The following MZF1 variants were observed in gnomAD, a reference collection of about 807,000 sequenced individuals.
MZF1 encodes the protein zinc finger and SCAN domain-containing protein 6.
Under a neutral mutation model 28.6 loss-of-function variants are expected in MZF1, and 24 were observed. The ratio of observed to expected loss-of-function variants is 0.84; its 90% CI spans 0.61 to 1.18. MZF1 has a LOEUF of 1.18. MZF1 is among the 50% of genes most tolerant of loss of function. The pLI is 0.00. For missense variants in MZF1, 1,166 were observed against 1,026.4 expected, an observed-to-expected ratio of 1.14 and a Z score of -1.86; for synonymous variants, 516 against 432.5, an observed-to-expected ratio of 1.19 and a Z score of -2.40.
At chr19:58,567,976 C>T (rs983178805) in intron 5 of MZF1, among the ~76,000 whole-genome samples, 4 of 152,128 alleles carry the variant, frequency 2.6e-5, no homozygotes, top group African/African-American at 9.7e-5. Context: ...GTAGCTCATG[C>T]CTGTAATCCC....
chr19:58,568,476 G>T (rs10414088), intron 5 of MZF1: 1 of 152,150 alleles, frequency 6.6e-6, no homozygotes, highest in African/African-American at 2.4e-5. Flanking sequence ...TTTCAAGGCA[G>T]TTTCCCAGAA....
Position 58,573,202 on chromosome 19 carries a change from C to G in MZF1, c.-188G>C, listed in dbSNP as rs1026061099. ...CCACCCTCGTCCCCGTTTCTACACC[C>G]TCTCCTCCCTTCCCCTAGCGGTGGT... On this transcript the variant is annotated 5_prime_UTR_variant, in exon 1 of 6. Coordinates refer to ENST00000215057, the MANE Select transcript of MZF1 (RefSeq NM_198055.2). 6.5e-6 allele frequency: 1 copy of G among 153,736 alleles called. No homozygotes were observed. Among genetic ancestry groups the G allele is most frequent in the African/African-American group, 2.4e-5 (1 of 41,448 alleles). The allele number at this position is 153,736 out of a possible 1,614,324, so 9.5% of individuals were successfully genotyped here.
At chr19:58,567,867 T>C (rs954297181) in intron 5 of MZF1, among the ~76,000 whole-genome samples, 1 of 152,066 alleles carries the variant, frequency 6.6e-6, no homozygotes, top group African/African-American at 2.4e-5. Flanking sequence ...GGAAAGACAT[T>C]GTAAATGAAA....
At chr19:58,567,277 C>T (rs190765404) in intron 5 of MZF1, among the ~76,000 whole-genome samples, 13 of 152,312 alleles carry the variant, frequency 8.5e-5, no homozygotes, top group Non-Finnish European at 1.6e-4. Flanking sequence ...ATGAGCAGGG[C>T]ACCAGCCAGG....
chr19:58,566,368 A>C (rs1474104340), intron 5 of MZF1, among the ~76,000 whole-genome samples: 2 of 151,912 alleles, frequency 1.3e-5, no homozygotes, highest in African/African-American at 4.8e-5. Context: ...GAATGGCTTG[A>C]ACCGGGAGGT....
At chr19:58,571,540 T>C (rs528512096) in intron 1 of MZF1, 111 bp from the exon 2 acceptor site, 2 of 1,048,628 alleles carry the variant, frequency 1.9e-6, no homozygotes, top group African/African-American at 3.2e-5. Context: ...GGAAGGCAGA[T>C]GAGGAAACAG....
chr19:58,562,246 A>G lies in MZF1; in HGVS notation c.2031T>C (p.Gly677=), dbSNP rs73562704. ...NLTQHRRIHT[G]ERPYACPECG... is the part of the protein sequence containing the mutation. ...ACTCAGGGCATGCGTAGGGCCGTTC[A>G]CCCGTGTGGATGCGCCGGTGCTGGG... Residue 677 remains glycine (G), a synonymous_variant, in exon 6 of 6, where the codon GGT becomes GGC. Coordinates refer to ENST00000215057, the MANE Select transcript of MZF1 (RefSeq NM_198055.2). 0.067 allele frequency: 107,249 copies of G among 1,599,662 alleles called. 8,237 individuals carry two copies. Among genetic ancestry groups the G allele is most frequent in the African/African-American group, 0.37 (27,187 of 73,066 alleles).
At chr19:58,570,594 T>C (rs1411737849) in intron 2 of MZF1, 67 bp from the exon 3 acceptor site, 3 of 1,517,370 alleles carry the variant, frequency 2.0e-6, no homozygotes, top group Admixed American at 2.0e-5. Flanking sequence ...CTGGGGTTTG[T>C]GGGTGCCCAT....
At position 58,569,308 on chromosome 19, in the gene MZF1, C is replaced by A. The variant is rs1354511054; in HGVS notation, c.741G>T (p.Trp247Cys). Reference sequence around the variant, plus strand: ...AGAAGATGCCCCCAGCTTCCTCATGCCACAGGGCCCTGGGGTGCTCCCTCC... The same window carrying A: ...AGAAGATGCCCCCAGCTTCCTCATGACACAGGGCCCTGGGGTGCTCCCTCC... ...PSWREHPRAL[W>C]HEEAGGIFSP... The change falls in exon 5 of 6, where the codon TGG becomes TGT. Residue 247 changes from tryptophan to cysteine, a missense_variant. By Grantham distance (215) the Trp-to-Cys change is radical. Transcript: ENST00000215057. 3 of 1,610,600 alleles carry A rather than the reference C, an allele frequency of 1.9e-6. No homozygotes were observed. Among genetic ancestry groups the A allele is most frequent in the Non-Finnish European group, 2.5e-6 (3 of 1,178,494 alleles).
chr19:58,569,417 T>G lies in MZF1; in HGVS notation c.652-20A>C. 6.2e-7 allele frequency: 1 copy of G among 1,614,046 alleles called. No individual in the cohort carries two copies. The highest frequency in any genetic ancestry group is 8.5e-7 in the Non-Finnish European group (1 of 1,179,976). On this transcript the variant is annotated intron_variant, in intron 4 of 5. Transcript: ENST00000215057. ...ACATCTCTGAAATCACAGTGGTCACTGCTCCTCTGTGCCTGGCTGGGCTCA... is the reference window on the plus strand; with the variant it reads ...ACATCTCTGAAATCACAGTGGTCACGGCTCCTCTGTGCCTGGCTGGGCTCA...
Position 58,562,774 on chromosome 19 carries a change from C to T in MZF1, c.1503G>A (p.Leu501=), listed in dbSNP as rs2053957109. The T allele has an allele frequency of 2.6e-6, 4 of 1,535,014 alleles. No homozygotes were observed. The highest frequency in any genetic ancestry group is 1.2e-5 in the South Asian group (1 of 84,344). ...CGCCCGTGTGTACCGCCTGGTGCTC[C>T]AGCAGCACGGCGCGCCGCGCGAAGC... ...RESFARRAVL[L]EHQAVHTGDK... Residue 501 remains leucine, a synonymous_variant, in exon 6 of 6, where the codon CTG becomes CTA. Coordinates refer to ENST00000215057, the MANE Select transcript of MZF1 (RefSeq NM_198055.2).
chr19:58,571,642 T>C, intron 1 of MZF1: 1 of 532,814 alleles, frequency 1.9e-6, no homozygotes, highest in Non-Finnish European at 3.3e-6. Context: ...CGCTTGGGCC[T>C]GTGCAAAGTC....
At chr19:58,568,622 T>C (rs2054100003) in intron 5 of MZF1, 1 of 152,272 alleles carries the variant, frequency 6.6e-6, no homozygotes, top group Non-Finnish European at 1.5e-5. Flanking sequence ...GTGTTTCAGA[T>C]ATGGGACATG....
At position 58,562,830 on chromosome 19, in the gene MZF1, C is replaced by T; in HGVS notation, c.1447G>A (p.Gly483Ser). Residue 483 changes from glycine to serine, a missense_variant, in exon 6 of 6, where the codon GGC becomes AGC. Coordinates refer to ENST00000215057, the MANE Select transcript of MZF1 (RefSeq NM_198055.2). ...CGGCACTCGCTGCACGGAAAGGGGCCGGGAGGCTCGGGCGCACCAGGAGGG... is the reference window on the plus strand; with the variant it reads ...CGGCACTCGCTGCACGGAAAGGGGCTGGGAGGCTCGGGCGCACCAGGAGGG... ...PAPPGAPEPP[G>S]PFPCSECRES... is the part of the protein sequence containing the mutation. 7 of 1,535,138 alleles carry T rather than the reference C, an allele frequency of 4.6e-6. No individual in the cohort carries two copies. The highest frequency in any genetic ancestry group is 4.4e-6 in the Non-Finnish European group (5 of 1,146,890).
At position 58,562,520 on chromosome 19, in the gene MZF1, T is replaced by G. The variant is rs867981151; in HGVS notation, c.1757A>C (p.Gln586Pro). The G allele has an allele frequency of 6.2e-7, 1 of 1,609,606 alleles. No homozygotes were observed. The highest frequency in any genetic ancestry group is 1.7e-5 in the Admixed American group (1 of 59,438). Residue 586 changes from glutamine (Q) to proline (P), a missense_variant, in exon 6 of 6, where the codon CAG (glutamine) becomes CCG (proline). Transcript: ENST00000215057. ...CTCGCCCGTGTGTACGCGGAGATGC[T>G]GCGTGAGCGTAGGCCGCTGGCGGAA... ...KAFRQRPTLT[Q>P]HLRVHTGEKP...
intron 4 of MZF1, 31 bp from the exon 5 acceptor site, chr19:58,569,428 G>A: frequency 1.2e-6 from 2 of 1,614,006 alleles, no homozygotes; most frequent in South Asian, 2.2e-5. Flanking sequence ...GCTCCTCTGT[G>A]CCTGGCTGGG....
At position 58,561,965 on chromosome 19, in the gene MZF1, G is replaced by T; in HGVS notation, c.*107C>A. The T allele has an allele frequency of 8.3e-7, 1 of 1,199,870 alleles. No individual in the cohort carries two copies. The highest frequency in any genetic ancestry group is 1.2e-6 in the Non-Finnish European group (1 of 868,698). The allele number at this position is 1,199,870 out of a possible 1,614,324, so 74.3% of individuals were successfully genotyped here. A position where few individuals can be genotyped will look rare whatever the true frequency, so the allele number is the denominator to read the frequency against. Reference sequence around the variant, plus strand: ...TACTGTTTATTGGACACCTACAGTAGCCAAGCCCTGGGCGGACCTGCTTAT... The same window carrying T: ...TACTGTTTATTGGACACCTACAGTATCCAAGCCCTGGGCGGACCTGCTTAT... On this transcript the variant is annotated 3_prime_UTR_variant, in exon 6 of 6. Transcript: ENST00000215057.
chr19:58,569,149 T>A (rs1287640362), intron 5 of MZF1, 128 bp downstream of exon 5: 1 of 1,289,238 alleles, frequency 7.8e-7, no homozygotes, highest in South Asian at 1.4e-5. Context: ...TAGGGGATGA[T>A]CTAGGGAATG....
chr19:58,567,465 G>A (rs780032410), intron 5 of MZF1, among the ~76,000 whole-genome samples: 3 of 152,234 alleles, frequency 2.0e-5, no homozygotes, highest in Non-Finnish European at 4.4e-5. Flanking sequence ...AGGGTTATTA[G>A]GTAAACAGTC....
Sources: allele counts gnomAD v4.1 joint callset (sites outside exome capture counted in the v4.1 genomes callset), GRCh38; gene constraint gnomAD v4.1.1; transcripts MANE v1.5; gene names NCBI Gene and HGNC (gene_info 2026-07-23, HGNC 2026-07-21).